CSMD1: variants seen among roughly 807,000 people sequenced by gnomAD.
CSMD1 encodes CUB and Sushi multiple domains 1.
In CSMD1, 213 loss-of-function variants were observed where a neutral mutation model predicts 417.5. The ratio of observed to expected loss-of-function variants is 0.51; its 90% confidence interval spans 0.46 to 0.57. The LOEUF (loss-of-function observed/expected upper bound fraction) is 0.57, where lower values mean the gene tolerates loss of function less well. Among genes scored for constraint, CSMD1 ranks in the 20% least tolerant of loss-of-function variants. CSMD1 has a pLI of 0.00. For synonymous variants in CSMD1, 2,862 were observed against 1,736.8 expected, an observed-to-expected ratio of 1.65 and a Z score of -16.11; for missense variants, 6,923 against 4,529.7, an observed-to-expected ratio of 1.53 and a Z score of -15.17.
intron 3 of CSMD1, among the ~76,000 whole-genome samples, chr8:4,044,729 C>T (rs78393575): frequency 0.013 from 310 of 23,996 alleles, 1 homozygote; most frequent in Non-Finnish European, 0.029. Context: ...ACCCTGGACA[C>T]GTACCACCCT....
intron 3 of CSMD1, among the ~76,000 whole-genome samples, chr8:4,367,995 G>T (rs1049409992): frequency 7.9e-5 from 12 of 152,080 alleles, no homozygotes; most frequent in Admixed American, 7.2e-4. Flanking sequence ...CATTGTCAGT[G>T]AAGTGAGACA....
chr8:4,826,796 C>T (rs1799858413), intron 1 of CSMD1, among the ~76,000 whole-genome samples: 1 of 152,152 alleles, frequency 6.6e-6, no homozygotes. Context: ...GAAGTACAGG[C>T]TTAATGTACT....
intron 5 of CSMD1, among the ~76,000 whole-genome samples, chr8:3,883,321 A>C (rs1806330301): frequency 6.6e-6 from 1 of 152,160 alleles, no homozygotes; most frequent in Non-Finnish European, 1.5e-5. Flanking sequence ...AATATAATAC[A>C]CACAATGTCC....
chr8:4,264,914 G>C (rs746010078), intron 3 of CSMD1, among the ~76,000 whole-genome samples: 7 of 152,148 alleles, frequency 4.6e-5, no homozygotes, highest in Non-Finnish European at 8.8e-5. Flanking sequence ...TTGGGTTTAA[G>C]TCCCATTTCT....
At chr8:4,116,710 C>T (rs1183339845) in intron 3 of CSMD1, among the ~76,000 whole-genome samples, 2 of 151,600 alleles carry the variant, frequency 1.3e-5, no homozygotes, top group South Asian at 2.1e-4. Flanking sequence ...ACGCGCCATG[C>T]AGCAGGGCAG....
intron 5 of CSMD1, among the ~76,000 whole-genome samples, chr8:3,904,478 T>A (rs1807975392): frequency 6.6e-6 from 1 of 152,208 alleles, no homozygotes; most frequent in Non-Finnish European, 1.5e-5. Flanking sequence ...CATTTGGCCA[T>A]GGTTGTTCTA....
intron 3 of CSMD1, among the ~76,000 whole-genome samples, chr8:4,405,712 C>G (rs141467977): frequency 1.3e-5 from 2 of 152,318 alleles, no homozygotes; most frequent in African/African-American, 4.8e-5. Context: ...TCTATTGCTT[C>G]TTATGAAACC....
chr8:3,841,191 A>G (rs1473991984), intron 5 of CSMD1, among the ~76,000 whole-genome samples: 1 of 152,210 alleles, frequency 6.6e-6, no homozygotes, highest in East Asian at 1.9e-4. Context: ...TATGTAATAC[A>G]AAGGAATTCC....
Position 3,387,651 on chromosome 8 carries a change from G to T in CSMD1, c.2625C>A (p.Asp875Glu). ...GATGGCCGTTCACAGGGATGCCCGG[G>T]TCCAGGCAGGAATCCGACTCAAGCG... ...SVTLESDSCL[D>E]PGIPVNGHRH... Residue 875 changes from aspartate (D) to glutamate (E), a missense_variant, in exon 18 of 70, where the codon GAC (aspartate) becomes GAA (glutamate). By Grantham distance (45) the Asp-to-Glu change is conservative. Coordinates refer to ENST00000635120, the MANE Select transcript of CSMD1 (RefSeq NM_033225.6). 2 of 1,599,900 alleles carry T rather than the reference G, an allele frequency of 1.3e-6. No individual in the cohort carries two copies. The highest frequency in any genetic ancestry group is 2.3e-5 in the East Asian group (1 of 44,138).
intron 23 of CSMD1, among the ~76,000 whole-genome samples, chr8:3,324,970 G>C (rs1806430284): frequency 6.6e-6 from 1 of 151,136 alleles, no homozygotes; most frequent in South Asian, 2.1e-4. Flanking sequence ...ATTTTTACTT[G>C]GTTTAAAAGA....
At chr8:4,441,268 T>TG (rs962763580) in intron 2 of CSMD1, among the ~76,000 whole-genome samples, 1 of 138,982 alleles carries the variant, frequency 7.2e-6, no homozygotes, top group Non-Finnish European at 1.6e-5. Flanking sequence ...CAGTTTTTTT[T>TG]TTTTTTTTTT....
chr8:4,927,903 G>C (rs1806978994), intron 1 of CSMD1, among the ~76,000 whole-genome samples: 1 of 152,138 alleles, frequency 6.6e-6, no homozygotes, highest in African/African-American at 2.4e-5. Context: ...GTCATGTCCA[G>C]CAGCTCTAAC....
intron 52 of CSMD1, among the ~76,000 whole-genome samples, chr8:3,013,587 C>T (rs759910296): frequency 6.0e-4 from 91 of 151,972 alleles, no homozygotes; most frequent in Admixed American, 1.1e-3. Context: ...CCCGTCTCCA[C>T]TAAAAATGCA....
Position 4,447,037 on chromosome 8 carries a change from G to T in CSMD1, c.303-26972C>A, listed in dbSNP as rs567899014. Among the ~76,000 whole-genome samples the T allele has an allele frequency of 1.3e-4, 20 of 152,200 alleles. No individual in the cohort carries two copies. The East Asian group carries it at 3.5e-3, about 27-fold the overall frequency. On this transcript the variant is annotated intron_variant, in intron 2 of 69. Coordinates refer to ENST00000635120, the MANE Select transcript of CSMD1 (RefSeq NM_033225.6). ...AAGGGATTGTGGAGTTAACAAAAAGGATCATCAGCCTGTGTCAGGTCTGCG... is the reference window on the plus strand; with the variant it reads ...AAGGGATTGTGGAGTTAACAAAAAGTATCATCAGCCTGTGTCAGGTCTGCG...
At chr8:4,992,274 G>T (rs1437460158) in intron 1 of CSMD1, among the ~76,000 whole-genome samples, 1 of 152,090 alleles carries the variant, frequency 6.6e-6, no homozygotes, top group Non-Finnish European at 1.5e-5. Context: ...CCACCCGCGT[G>T]GGGGCGGAAT....
intron 3 of CSMD1, among the ~76,000 whole-genome samples, chr8:4,116,859 T>C (rs148640743): frequency 1.4e-4 from 21 of 152,092 alleles, no homozygotes; most frequent in African/African-American, 5.1e-4. Flanking sequence ...TGGCATTTAC[T>C]GTACAATGTG....
At chr8:4,381,773 T>C (rs1803121701) in intron 3 of CSMD1, among the ~76,000 whole-genome samples, 1 of 152,166 alleles carries the variant, frequency 6.6e-6, no homozygotes, top group East Asian at 1.9e-4. Flanking sequence ...TTTTGTTTTT[T>C]TCCTTTTTCT....
At chr8:4,059,321 A>G (rs1456311609) in intron 3 of CSMD1, among the ~76,000 whole-genome samples, 1 of 84,388 alleles carries the variant, frequency 1.2e-5, no homozygotes, top group Non-Finnish European at 3.0e-5. Context: ...ATAGCACTAA[A>G]TGTCCACAAG....
intron 3 of CSMD1, among the ~76,000 whole-genome samples, chr8:4,412,091 G>A (rs112809363): frequency 1.4e-4 from 21 of 151,888 alleles, no homozygotes; most frequent in African/African-American, 5.1e-4. Context: ...ACGTGCAAGA[G>A]TGCGTGCGTG....
Sources: allele counts gnomAD v4.1 joint callset (sites outside exome capture counted in the v4.1 genomes callset), GRCh38; gene constraint gnomAD v4.1.1; transcripts MANE v1.5; gene names NCBI Gene and HGNC (gene_info 2026-07-23, HGNC 2026-07-21).